PDLIM5: variants seen among roughly 807,000 people sequenced by gnomAD.
PDLIM5 encodes PDZ and LIM domain 5.
Under a neutral mutation model 64.2 loss-of-function variants are expected in PDLIM5, and 34 were observed. That is an observed-to-expected ratio of 0.53 (90% CI 0.40 to 0.71). The LOEUF (loss-of-function observed/expected upper bound fraction) is 0.71, where lower values mean the gene tolerates loss of function less well. Ranked by LOEUF, PDLIM5 falls within the 30% of genes least tolerant of loss-of-function variation. The pLI is 0.00. For synonymous variants in PDLIM5, 253 were observed against 269.1 expected (o/e 0.94, Z 0.59); for missense variants, 683 against 733.6 (o/e 0.93, Z 0.80).
intron 2 of PDLIM5, among the ~76,000 whole-genome samples, chr4:94,484,276 GA>G (rs1202278490): frequency 2.0e-5 from 3 of 152,114 alleles, no homozygotes; most frequent in Non-Finnish European, 4.4e-5. Flanking sequence ...AGTAATAGCT[GA>G]AAACATTTTT....
chr4:94,638,195 T>C lies in PDLIM5; in HGVS notation c.1109-2081T>C, dbSNP rs181932812. Among the ~76,000 whole-genome samples the C allele has an allele frequency of 2.9e-3, 445 of 152,310 alleles. 1 individual carries two copies. The highest frequency in any genetic ancestry group is 4.7e-3 in the Non-Finnish European group (321 of 68,028). ...TTGGTGCTCCAGAAGAAATCAGGCC[T>C]GGATAAAGAAATTAAAGATGCACAG... On this transcript the variant is annotated intron_variant, in intron 8 of 12. Coordinates refer to ENST00000317968, the MANE Select transcript of PDLIM5 (RefSeq NM_006457.5).
chr4:94,654,432 C>T, intron 9 of PDLIM5, 28 bp from the exon 10 acceptor site: 1 of 1,480,354 alleles, frequency 6.8e-7, no homozygotes, highest in South Asian at 1.1e-5. Context: ...TATTCTCAAA[C>T]TTAGTTGGCC....
intron 3 of PDLIM5, among the ~76,000 whole-genome samples, chr4:94,528,353 A>G (rs1382719887): frequency 6.6e-6 from 1 of 152,184 alleles, no homozygotes. Context: ...TACACTAGGT[A>G]TAATCAGGAA....
At chr4:94,545,229 T>C (rs1249166443) in intron 3 of PDLIM5, among the ~76,000 whole-genome samples, 1 of 152,244 alleles carries the variant, frequency 6.6e-6, no homozygotes, top group Non-Finnish European at 1.5e-5. Context: ...ATAACTCTAA[T>C]GTAGCAATAA....
Position 94,618,157 on chromosome 4 carries a change from C to T in PDLIM5, c.1074C>T (p.Ile358=). 1 of 1,604,768 alleles carries T rather than the reference C, an allele frequency of 6.2e-7. No homozygotes were observed. The highest frequency in any genetic ancestry group is 8.5e-7 in the Non-Finnish European group (1 of 1,176,100). ...AGCCTGTAGGATCCACTGGCGTCAT[C>T]AAGTCACCAAGCTGGCAACGGCCAA... ...AFKPVGSTGV[I]KSPSWQRPNQ... Residue 358 remains isoleucine, a synonymous_variant, in exon 8 of 13, where the codon ATC becomes ATT. Coordinates refer to ENST00000317968, the MANE Select transcript of PDLIM5 (RefSeq NM_006457.5).
At chr4:94,599,902 G>A (rs1578447251) in intron 7 of PDLIM5, among the ~76,000 whole-genome samples, 5 of 152,256 alleles carry the variant, frequency 3.3e-5, no homozygotes, top group African/African-American at 9.6e-5. Context: ...GAAAGAAAAA[G>A]CAACATCTGT....
intron 2 of PDLIM5, among the ~76,000 whole-genome samples, chr4:94,476,318 G>A (rs1725319295): frequency 6.6e-6 from 1 of 151,964 alleles, no homozygotes; most frequent in Non-Finnish European, 1.5e-5. Flanking sequence ...CTAAAGAATT[G>A]TTATATTTTA....
chr4:94,574,555 A>G (rs1057314658), intron 4 of PDLIM5, among the ~76,000 whole-genome samples: 2 of 151,930 alleles, frequency 1.3e-5, no homozygotes, highest in African/African-American at 4.8e-5. Context: ...AAAATTAAAC[A>G]GTAGAACCAC....
chr4:94,508,615 G>A (rs1435131417), intron 2 of PDLIM5, among the ~76,000 whole-genome samples: 1 of 152,172 alleles, frequency 6.6e-6, no homozygotes, highest in Non-Finnish European at 1.5e-5. Flanking sequence ...CCAGGAGTTG[G>A]CAAGCATGGA....
At chr4:94,465,904 G>A (rs1010086565) in intron 2 of PDLIM5, among the ~76,000 whole-genome samples, 3 of 151,440 alleles carry the variant, frequency 2.0e-5, no homozygotes, top group African/African-American at 4.9e-5. Context: ...AGCCAAATTT[G>A]TGTGTTTGTG....
intron 7 of PDLIM5, among the ~76,000 whole-genome samples, chr4:94,597,659 C>T (rs1737176285): frequency 2.0e-5 from 3 of 150,820 alleles, no homozygotes; most frequent in South Asian, 4.2e-4. Context: ...ACTTACCGCT[C>T]AGGGTATGTA....
chr4:94,485,029 A>T (rs574472398), intron 2 of PDLIM5, among the ~76,000 whole-genome samples: 4 of 152,142 alleles, frequency 2.6e-5, no homozygotes, highest in Admixed American at 6.6e-5. Context: ...GTAGGTGGGT[A>T]TGAGGGGACT....
At chr4:94,482,475 T>G (rs534909088) in intron 2 of PDLIM5, among the ~76,000 whole-genome samples, 1 of 152,286 alleles carries the variant, frequency 6.6e-6, no homozygotes, top group East Asian at 1.9e-4. Context: ...TTTATTTACT[T>G]TAGTTTTGGG....
chr4:94,586,169 A>AAAAT (rs150917165), intron 6 of PDLIM5, among the ~76,000 whole-genome samples: 10,440 of 151,614 alleles, frequency 0.069, 407 homozygotes, highest in South Asian at 0.12. Context: ...CTCTGTCTCA[A>AAAAT]AAATAAATAA....
intron 12 of PDLIM5, among the ~76,000 whole-genome samples, chr4:94,663,053 T>C (rs1324724375): frequency 6.6e-6 from 1 of 152,174 alleles, no homozygotes; most frequent in Non-Finnish European, 1.5e-5. Flanking sequence ...ATTTGATATT[T>C]TAATATTTTT....
At chr4:94,588,969 A>G (rs1326950485) in intron 7 of PDLIM5, among the ~76,000 whole-genome samples, 1 of 152,228 alleles carries the variant, frequency 6.6e-6, no homozygotes, top group East Asian at 1.9e-4. Context: ...TTGTCATATC[A>G]GTTCTTCAGA....
chr4:94,575,721 G>A lies in PDLIM5; in HGVS notation c.397G>A (p.Gly133Ser), dbSNP rs1168330996. The change falls in exon 5 of 13, where the codon GGT (glycine) becomes AGT (serine). Residue 133 changes from glycine to serine, a missense_variant. Transcript: ENST00000317968. The part of the protein sequence containing the change: ...MAYNKAPRPF[G>S]SVSSPKVTSI... ...CTACAATAAGGCACCACGGCCTTTTGGTTCTGTGTCTTCACCAAAAGTCAC... is the reference window on the plus strand; with the variant it reads ...CTACAATAAGGCACCACGGCCTTTTAGTTCTGTGTCTTCACCAAAAGTCAC... The A allele has an allele frequency of 6.2e-7, 1 of 1,614,034 alleles. No individual in the cohort carries two copies. The highest frequency in any genetic ancestry group is 1.7e-5 in the Admixed American group (1 of 60,004).
At chr4:94,645,635 A>G (rs1741354868) in intron 9 of PDLIM5, among the ~76,000 whole-genome samples, 1 of 152,206 alleles carries the variant, frequency 6.6e-6, no homozygotes, top group African/African-American at 2.4e-5. Flanking sequence ...AATAGTAAGC[A>G]ATACATATAG....
intron 2 of PDLIM5, among the ~76,000 whole-genome samples, chr4:94,512,166 A>G (rs1728940527): frequency 6.6e-6 from 1 of 151,900 alleles, no homozygotes; most frequent in Admixed American, 6.6e-5. Context: ...GACTACTGGC[A>G]TGCCCCACCA....
Sources: allele counts gnomAD v4.1 joint callset (sites outside exome capture counted in the v4.1 genomes callset), GRCh38; gene constraint gnomAD v4.1.1; transcripts MANE v1.5; gene names NCBI Gene and HGNC (gene_info 2026-07-23, HGNC 2026-07-21).